The following TUSC3 variants were observed in gnomAD, a reference collection of about 807,000 sequenced individuals.
TUSC3 encodes the protein tumor suppressor candidate 3, also known as dolichyl-diphosphooligosaccharide--protein glycosyltransferase subunit TUSC3.
TUSC3 carries 45 observed loss-of-function variants against 44.8 expected under a neutral mutation model. That is an observed-to-expected ratio of 1.00 (90% CI 0.79 to 1.29). The LOEUF (loss-of-function observed/expected upper bound fraction) is 1.29, where lower values mean the gene tolerates loss of function less well. Ranked by LOEUF, TUSC3 falls within the 50% of genes most tolerant of loss-of-function variation. TUSC3 has a pLI of 0.00. For synonymous variants in TUSC3, 212 were observed against 152.9 expected, an observed-to-expected ratio of 1.39 and a Z score of -2.85; for missense variants, 519 against 437.9, an observed-to-expected ratio of 1.19 and a Z score of -1.65.
Position 15,473,456 on chromosome 8 carries a change from C to A in TUSC3, n.92-9930C>A, listed in dbSNP as rs533938104. Reference sequence around the variant, plus strand: ...TTGCTCTTCAACTTGAAGTCTTGTTCCATTGTCACTCAAAGCATTGGTTTG... The same window carrying A: ...TTGCTCTTCAACTTGAAGTCTTGTTACATTGTCACTCAAAGCATTGGTTTG... On this transcript the variant is annotated intron_variant and non_coding_transcript_variant, in intron 1 of 5. Transcript: ENST00000503191. Among the ~76,000 whole-genome samples, 5 of 152,268 alleles carry A rather than the reference C, an allele frequency of 3.3e-5. No individual in the cohort carries two copies. The South Asian group carries it at 1.0e-3, about 32-fold the overall frequency.
At chr8:15,597,796 C>G (rs1163007455) in intron 1 of TUSC3, among the ~76,000 whole-genome samples, 3 of 151,932 alleles carry the variant, frequency 2.0e-5, no homozygotes, top group Non-Finnish European at 4.4e-5. Context: ...TCTAATGATT[C>G]CGTACTTTAT....
chr8:15,656,437 A>G (rs1807167928), intron 3 of TUSC3, among the ~76,000 whole-genome samples: 1 of 152,246 alleles, frequency 6.6e-6, no homozygotes, highest in African/African-American at 2.4e-5. Flanking sequence ...ATAGGCAAGA[A>G]AAGAAAAAGG....
intron 6 of TUSC3, among the ~76,000 whole-genome samples, chr8:15,688,430 C>CCT (rs1808735281): frequency 7.1e-6 from 1 of 141,304 alleles, no homozygotes. Context: ...CTTCAGTATT[C>CCT]TTTTTTTTTT....
intron 1 of TUSC3, among the ~76,000 whole-genome samples, chr8:15,475,464 T>C (rs1018476713): frequency 6.6e-6 from 1 of 152,210 alleles, no homozygotes; most frequent in African/African-American, 2.4e-5. Flanking sequence ...TCTTTCAGTT[T>C]TCTGTTTATC....
chr8:15,599,717 G>T (rs73193375), intron 1 of TUSC3, among the ~76,000 whole-genome samples: 22,539 of 85,174 alleles, frequency 0.26, 1,970 homozygotes, highest in Middle Eastern at 0.4. Context: ...TTTTTTTTTT[G>T]TCAAAGATCA....
the TUSC3 span, among the ~76,000 whole-genome samples, chr8:15,852,064 C>A: frequency 1.3e-5 from 2 of 152,072 alleles, no homozygotes; most frequent in Non-Finnish European, 2.9e-5. Context: ...AACTGTGAGT[C>A]CATTAAACCT....
At chr8:15,509,568 A>G (rs182968883) in intron 2 of TUSC3, among the ~76,000 whole-genome samples, 3 of 152,256 alleles carry the variant, frequency 2.0e-5, no homozygotes, top group Admixed American at 2.0e-4. Context: ...AGATTGTGCC[A>G]CTGCACTCAA....
chr8:15,593,441 G>A (rs770465225), intron 1 of TUSC3, among the ~76,000 whole-genome samples: 1 of 152,142 alleles, frequency 6.6e-6, no homozygotes, highest in Non-Finnish European at 1.5e-5. Flanking sequence ...AATATGGCCT[G>A]TGTTTTCACC....
chr8:15,663,835 G>T (rs562113550), intron 5 of TUSC3, among the ~76,000 whole-genome samples: 1 of 151,778 alleles, frequency 6.6e-6, no homozygotes, highest in Non-Finnish European at 1.5e-5. Flanking sequence ...ATTCAGTAAA[G>T]CTACCCAGGT....
chr8:15,704,804 G>C (rs1477205), intron 6 of TUSC3, among the ~76,000 whole-genome samples: 1 of 151,956 alleles, frequency 6.6e-6, no homozygotes, highest in Non-Finnish European at 1.5e-5. Flanking sequence ...TTTTGGAATA[G>C]GAAGGATCGT....
At chr8:15,618,878 A>C (rs1265747620) in intron 1 of TUSC3, among the ~76,000 whole-genome samples, 1 of 152,136 alleles carries the variant, frequency 6.6e-6, no homozygotes, top group Non-Finnish European at 1.5e-5. Flanking sequence ...ATTAGGCGGT[A>C]AGAATTTTTC....
chr8:15,756,260 T>C (rs1811923855), intron 9 of TUSC3, among the ~76,000 whole-genome samples: 1 of 152,152 alleles, frequency 6.6e-6, no homozygotes, highest in African/African-American at 2.4e-5. Flanking sequence ...TTTCTGCAGC[T>C]CTAGTTACCT....
rs148880572 is a variant in TUSC3, at chr8:15,447,435, C to G, written n.91+30130C>G. The stretch of plus-strand genomic sequence containing the variant: ...AGATTAAAGACACAAGTTTAAATTA[C>G]TTCATTATGAAACTAAAAATGAATG... On this transcript the variant is annotated intron_variant and non_coding_transcript_variant, in intron 1 of 5. Transcript: ENST00000503191. 1.2e-3 allele frequency among the ~76,000 whole-genome samples: 176 copies of G among 152,162 alleles called. 6 individuals carry two copies. The highest frequency in any genetic ancestry group is 0.011 in the Admixed American group (168 of 15,274).
At chr8:15,652,161 G>A (rs568702314) in intron 3 of TUSC3, among the ~76,000 whole-genome samples, 1 of 152,222 alleles carries the variant, frequency 6.6e-6, no homozygotes, top group Admixed American at 6.5e-5. Context: ...GCAAAACTTA[G>A]TGCAGTTCCG....
chr8:15,687,840 G>A (rs893286339), intron 6 of TUSC3, among the ~76,000 whole-genome samples: 3 of 152,110 alleles, frequency 2.0e-5, no homozygotes, highest in Non-Finnish European at 4.4e-5. Context: ...AAAATGTTAA[G>A]TATATCAGAA....
At chr8:15,747,918 T>A (rs1169986468) in intron 8 of TUSC3, among the ~76,000 whole-genome samples, 1 of 152,130 alleles carries the variant, frequency 6.6e-6, no homozygotes, top group African/African-American at 2.4e-5. Context: ...CTAAAATTAT[T>A]GCATAGCATC....
intron 1 of TUSC3, among the ~76,000 whole-genome samples, chr8:15,472,361 T>C (rs1459935307): frequency 6.6e-6 from 1 of 152,230 alleles, no homozygotes; most frequent in Non-Finnish European, 1.5e-5. Flanking sequence ...TCTGAAACTT[T>C]TCTATCTAGA....
At chr8:15,755,775 G>A (rs972441013) in intron 9 of TUSC3, among the ~76,000 whole-genome samples, 2 of 151,924 alleles carry the variant, frequency 1.3e-5, no homozygotes, top group African/African-American at 4.8e-5. Flanking sequence ...CAGAAAGGAA[G>A]AAATATGATT....
chr8:15,801,850 C>T, the TUSC3 span, among the ~76,000 whole-genome samples: 3 of 152,264 alleles, frequency 2.0e-5, no homozygotes, highest in Non-Finnish European at 4.4e-5. Flanking sequence ...GAAATTGAAT[C>T]AACAAGGATC....
Sources: gnomAD v4.1 joint callset for allele counts (sites outside exome capture counted in the v4.1 genomes callset) on GRCh38, gnomAD v4.1.1 for gene constraint, MANE v1.5 for transcripts, NCBI Gene and HGNC (gene_info 2026-07-23, HGNC 2026-07-21) for gene names.